The following NUDT8 variants were observed in gnomAD, a reference collection of about 807,000 sequenced individuals.
NUDT8 encodes the protein nudix hydrolase 8.
Under a neutral mutation model 12.5 loss-of-function variants are expected in NUDT8, and 14 were observed. The observed-to-expected ratio is 1.12, with a 90% CI of 0.74 to 1.75. NUDT8 has a LOEUF of 1.75. NUDT8 is among the 40% of genes most tolerant of loss of function. The pLI is 0.00. For synonymous variants in NUDT8, 163 were observed against 156.2 expected (o/e 1.04, Z -0.33); for missense variants, 337 against 318.5 (o/e 1.06, Z -0.44).
At position 67,628,139 on chromosome 11, in the gene NUDT8, T is replaced by G; in HGVS notation, c.518A>C (p.His173Pro). Reference protein sequence around the residue: ...HFRYTLPVFLHGPHRVWGLTA... With the variant: ...HFRYTLPVFLPGPHRVWGLTA... ...GAGGCCCCAGACCCGGTGTGGTCCATGCAGGAAGACGGGTAGTGTGTAGCG... is the reference window on the plus strand; with the variant it reads ...GAGGCCCCAGACCCGGTGTGGTCCAGGCAGGAAGACGGGTAGTGTGTAGCG... The change falls in exon 4 of 4, where the codon CAT becomes CCT. Residue 173 changes from histidine to proline, a missense_variant. By Grantham distance (77) the His-to-Pro change is moderately conservative. Coordinates refer to ENST00000376693, the MANE Select transcript of NUDT8 (RefSeq NM_001243750.2). 6.2e-7 allele frequency: 1 copy of G among 1,600,570 alleles called. No individual in the cohort carries two copies. The highest frequency in any genetic ancestry group is 1.1e-5 in the South Asian group (1 of 91,088).
Position 67,629,168 on chromosome 11 carries a change from T to C in NUDT8, c.195-117A>G, listed in dbSNP as rs530654408. The C allele has an allele frequency of 6.1e-6, 7 of 1,147,142 alleles. No homozygotes were observed. The African/African-American group carries it at 9.6e-5, about 16-fold the overall frequency. The allele number at this position is 1,147,142 out of a possible 1,614,324, so 71.1% of individuals were successfully genotyped here. The stretch of plus-strand genomic sequence containing the variant: ...AAGTGTCGCCTGCCTCTGCCCCTAG[T>C]TTACTGGGAGGCCCCAGGCAAGCCA... On this transcript the variant is annotated intron_variant, in intron 1 of 3. Transcript: ENST00000376693.
intron 1 of NUDT8, chr11:67,629,503 G>T (rs1855172973): frequency 2.5e-6 from 1 of 403,230 alleles, no homozygotes; most frequent in Non-Finnish European, 4.4e-6. Flanking sequence ...GGGCCCACGC[G>T]GCGAGGACGT....
chr11:67,628,257 G>C lies in NUDT8; in HGVS notation c.406-6C>G. 1 of 1,613,080 alleles carries C rather than the reference G, an allele frequency of 6.2e-7. No individual in the cohort carries two copies. The highest frequency in any genetic ancestry group is 8.5e-7 in the Non-Finnish European group (1 of 1,179,478). On this transcript the variant is annotated splice_region_variant and splice_polypyrimidine_tract_variant and intron_variant, in intron 3 of 3. Transcript: ENST00000376693. ...AGTGCAAACACCTCATCTACCTGCA[G>C]GCAGGAGGCAGAGAGGGTAGACAGA... is the stretch of plus-strand genomic sequence containing the variant.
Position 67,628,013 on chromosome 11 carries a change from C to T in NUDT8, c.644G>A (p.Arg215His), listed in dbSNP as rs371524198. 2.3e-4 allele frequency: 371 copies of T among 1,597,972 alleles called. 1 individual carries two copies. Among genetic ancestry groups the T allele is most frequent in the Non-Finnish European group, 2.9e-4 (343 of 1,179,680 alleles). ...GGGTGAAGCCAGGGGCTGCTTAGGG[C>T]GGGCCAGACCCTCAGCCCCTGAGCA... The part of the protein sequence containing the change: ...LTCSGAEGLA[R>H]PKQPLASPCQ... The change falls in exon 4 of 4, where the codon CGC becomes CAC. Residue 215 changes from arginine to histidine, a missense_variant. Physicochemically the swap from Arg to His is conservative, Grantham distance 29. Transcript: ENST00000376693.
chr11:67,628,007 T>C lies in NUDT8; in HGVS notation c.650A>G (p.Lys217Arg), dbSNP rs1298173248. Reference sequence around the variant, plus strand: ...CTGACAGGGTGAAGCCAGGGGCTGCTTAGGGCGGGCCAGACCCTCAGCCCC... The same window carrying C: ...CTGACAGGGTGAAGCCAGGGGCTGCCTAGGGCGGGCCAGACCCTCAGCCCC... ...CSGAEGLARPKQPLASPCQAS... is the reference protein window; with the variant it reads ...CSGAEGLARPRQPLASPCQAS... Residue 217 changes from lysine (K) to arginine (R), a missense_variant, in exon 4 of 4, where the codon AAG becomes AGG. Coordinates refer to ENST00000376693, the MANE Select transcript of NUDT8 (RefSeq NM_001243750.2). The C allele has an allele frequency of 1.3e-6, 2 of 1,597,938 alleles. No individual in the cohort carries two copies. Among genetic ancestry groups the C allele is most frequent in the Non-Finnish European group, 1.7e-6 (2 of 1,179,628 alleles).
intron 2 of NUDT8, 98 bp from the exon 3 acceptor site, chr11:67,628,498 GCCTTT>G: frequency 7.0e-6 from 7 of 995,014 alleles, no homozygotes; most frequent in Non-Finnish European, 1.1e-5. Flanking sequence ...CCATGCATAG[GCCTTT>G]GGTAGTCATG....
chr11:67,629,637 T>A (rs1475853378), intron 1 of NUDT8, 81 bp downstream of exon 1: 2 of 765,086 alleles, frequency 2.6e-6, no homozygotes, highest in Admixed American at 4.0e-5. Context: ...TCGAAGGGGC[T>A]AAGTGCCCTG....
chr11:67,627,986 C>G lies in NUDT8; in HGVS notation c.671G>C (p.Cys224Ser), dbSNP rs1419463466. The G allele has an allele frequency of 6.3e-6, 10 of 1,596,404 alleles. No homozygotes were observed. The highest frequency in any genetic ancestry group is 8.5e-6 in the Non-Finnish European group (10 of 1,178,502). Reference protein sequence around the residue: ...ARPKQPLASPCQASSTPGLNK... With the variant: ...ARPKQPLASPSQASSTPGLNK... ...CAGTCCTGGAGTGGAGCTGGCCTGA[C>G]AGGGTGAAGCCAGGGGCTGCTTAGG... The change falls in exon 4 of 4, where the codon TGT becomes TCT. Residue 224 changes from cysteine to serine, a missense_variant. Physicochemically the swap from Cys to Ser is moderately radical, Grantham distance 112. Coordinates refer to ENST00000376693, the MANE Select transcript of NUDT8 (RefSeq NM_001243750.2).
rs1208294004 is a variant in NUDT8 at position 67,628,194 on chromosome 11, A to G, written c.463T>C (p.Tyr155His). Reference sequence around the variant, plus strand: ...TGGCCACCCCGGCAGAAGTGGGTATAGCCCTGATTCTGCGTCTGCAGCAGG... The same window carrying G: ...TGGCCACCCCGGCAGAAGTGGGTATGGCCCTGATTCTGCGTCTGCAGCAGG... ...AHLLQTQNQGYTHFCRGGHFR... is the reference protein window; with the variant it reads ...AHLLQTQNQGHTHFCRGGHFR... Residue 155 changes from tyrosine (Y) to histidine (H), a missense_variant, in exon 4 of 4, where the codon TAT becomes CAT. Tyr to His is a moderately conservative substitution (Grantham distance 83, BLOSUM62 2). Coordinates refer to ENST00000376693, the MANE Select transcript of NUDT8 (RefSeq NM_001243750.2). 1.2e-6 allele frequency: 2 copies of G among 1,610,812 alleles called. No individual in the cohort carries two copies. The highest frequency in any genetic ancestry group is 2.7e-5 in the African/African-American group (2 of 74,942).
Position 67,629,023 on chromosome 11 carries a change from C to G in NUDT8, c.223G>C (p.Asp75His). The change falls in exon 2 of 4, where the codon GAC becomes CAC. Residue 75 changes from aspartate to histidine, a missense_variant. By Grantham distance (81) the Asp-to-His change is moderately conservative. Coordinates refer to ENST00000376693, the MANE Select transcript of NUDT8 (RefSeq NM_001243750.2). ...AGGGCCGTGTGCACCACATCTTGGTCAGCCGGGTCGCACTTGCCGCCTGGG... is the reference window on the plus strand; with the variant it reads ...AGGGCCGTGTGCACCACATCTTGGTGAGCCGGGTCGCACTTGCCGCCTGGG... ...SFPGGKCDPADQDVVHTALRE... is the reference protein window; with the variant it reads ...SFPGGKCDPAHQDVVHTALRE... 6.2e-7 allele frequency: 1 copy of G among 1,612,704 alleles called. No homozygotes were observed. The highest frequency in any genetic ancestry group is 1.7e-4 in the Middle Eastern group (1 of 6,054).
intron 1 of NUDT8, chr11:67,629,375 G>A (rs1855167425): frequency 7.6e-6 from 3 of 396,356 alleles, no homozygotes; most frequent in Admixed American, 8.8e-5. Context: ...CTTAATTCCC[G>A]CCGGGCGGGG....
chr11:67,629,093 C>A, intron 1 of NUDT8, 42 bp from the exon 2 acceptor site: 1 of 1,568,288 alleles, frequency 6.4e-7, no homozygotes, highest in Non-Finnish European at 8.7e-7. Flanking sequence ...CTCTTGGGGC[C>A]ACGGAGAGGT....
At position 67,628,130 on chromosome 11, in the gene NUDT8, T is replaced by A; in HGVS notation, c.527A>T (p.His176Leu). The change falls in exon 4 of 4, where the codon CAC becomes CTC. Residue 176 changes from histidine to leucine, a missense_variant. Transcript: ENST00000376693. The part of the protein sequence containing the change: ...YTLPVFLHGP[H>L]RVWGLTAVIT... The stretch of plus-strand genomic sequence containing the variant: ...GACAGCTGTGAGGCCCCAGACCCGG[T>A]GTGGTCCATGCAGGAAGACGGGTAG... 1.3e-6 allele frequency: 2 copies of A among 1,599,456 alleles called. No homozygotes were observed. Among genetic ancestry groups the A allele is most frequent in the Non-Finnish European group, 1.7e-6 (2 of 1,179,776 alleles).
Position 67,627,940 on chromosome 11 carries a change from G to A in NUDT8, c.*6C>T, listed in dbSNP as rs887049539. 4 of 1,562,932 alleles carry A rather than the reference G, an allele frequency of 2.6e-6. No individual in the cohort carries two copies. Among genetic ancestry groups the A allele is most frequent in the African/African-American group, 2.7e-5 (2 of 74,196 alleles). ...CAGTACAGCAGAAGCAAGAGCTCTA[G>A]AGCTGTCAAAGACCTTTATTCAGTC... On this transcript the variant is annotated 3_prime_UTR_variant, in exon 4 of 4. Coordinates refer to ENST00000376693, the MANE Select transcript of NUDT8 (RefSeq NM_001243750.2).
intron 1 of NUDT8, 136 bp downstream of exon 1, chr11:67,629,582 G>A (rs951714506): frequency 1.3e-4 from 58 of 442,392 alleles, no homozygotes; most frequent in Admixed American, 2.2e-4. Flanking sequence ...CCCTTGGGCG[G>A]AGGGACTCTC....
rs757607006 is a variant in NUDT8 at position 67,628,372 on chromosome 11, G to T, written c.356C>A (p.Ala119Asp). ...PQKATVVPVL[A>D]GVGPLDPQSL... ...CTGGGGATCCAGTGGGCCTACACCA[G>T]CAAGCACTGGCACCACGGTGGCCTT... Residue 119 changes from alanine to aspartate, a missense_variant, in exon 3 of 4, where the codon GCT becomes GAT. By Grantham distance (126) the Ala-to-Asp change is moderately radical (BLOSUM62 -2). Coordinates refer to ENST00000376693, the MANE Select transcript of NUDT8 (RefSeq NM_001243750.2). The T allele has an allele frequency of 6.2e-7, 1 of 1,613,754 alleles. No homozygotes were observed. Among genetic ancestry groups the T allele is most frequent in the Admixed American group, 1.7e-5 (1 of 60,002 alleles).
intron 1 of NUDT8, 27 bp downstream of exon 1, chr11:67,629,691 A>G: frequency 7.2e-7 from 1 of 1,380,450 alleles, no homozygotes; most frequent in Admixed American, 2.6e-5. Context: ...CCTCCGGCAA[A>G]GGGCGAGGAG....
chr11:67,629,796 C>T lies in NUDT8; in HGVS notation c.116G>A (p.Cys39Tyr). ...PASAAVLVPL[C>Y]SVRGVPALLY... ...CAGCGCCGGGACCCCACGCACTGAG[C>T]AGAGCGGCACGAGCACCGCGGCCGA... Residue 39 changes from cysteine to tyrosine, a missense_variant, in exon 1 of 4, where the codon TGC (cysteine) becomes TAC (tyrosine). Transcript: ENST00000376693. 3 of 1,475,442 alleles carry T rather than the reference C, an allele frequency of 2.0e-6. No individual in the cohort carries two copies. The highest frequency in any genetic ancestry group is 1.3e-5 in the South Asian group (1 of 74,716). 91.4% of individuals were successfully genotyped at this position (1,475,442 alleles called of 1,614,324 possible). A position where few individuals can be genotyped will look rare whatever the true frequency, so the allele number is the denominator to read the frequency against.
Position 67,629,935 on chromosome 11 carries a change from A to C in NUDT8, c.-24T>G. ...ATGTCAAGTCCTGCGCGGCCGGGACACTGAGGGCGCGGGATCGGGCGAGGG... is the reference window on the plus strand; with the variant it reads ...ATGTCAAGTCCTGCGCGGCCGGGACCCTGAGGGCGCGGGATCGGGCGAGGG... On this transcript the variant is annotated 5_prime_UTR_variant, in exon 1 of 4. Transcript: ENST00000376693. The C allele has an allele frequency of 8.2e-7, 1 of 1,219,090 alleles. No homozygotes were observed. The highest frequency in any genetic ancestry group is 3.3e-5 in the East Asian group (1 of 29,996). The allele number at this position is 1,219,090 out of a possible 1,614,324, so 75.5% of individuals were successfully genotyped here.
Sources: allele counts gnomAD v4.1 joint callset, GRCh38; gene constraint gnomAD v4.1.1; transcripts MANE v1.5; gene names NCBI Gene and HGNC (gene_info 2026-07-23, HGNC 2026-07-21).